PSD3: variants seen among roughly 807,000 people sequenced by gnomAD.
PSD3 encodes pleckstrin and Sec7 domain containing 3, also known as PH and SEC7 domain-containing protein 3.
In PSD3, 49 loss-of-function variants were observed where a neutral mutation model predicts 105.5. The observed-to-expected ratio is 0.46, with a 90% CI of 0.37 to 0.59. The LOEUF (loss-of-function observed/expected upper bound fraction) is 0.59. Among genes scored for constraint, PSD3 ranks in the 20% least tolerant of loss-of-function variants. PSD3 has a pLI of 0.00. For missense variants in PSD3, 1,561 were observed against 1,263.8 expected (o/e 1.24, Z -3.57); for synonymous variants, 557 against 457.8 (o/e 1.22, Z -2.77).
intron 9 of PSD3, among the ~76,000 whole-genome samples, chr8:18,700,258 T>C (rs761003611): frequency 1.6e-4 from 24 of 152,284 alleles, no homozygotes; most frequent in Non-Finnish European, 3.5e-4. Flanking sequence ...CCTAATCACT[T>C]AATTAGATGT....
At chr8:18,949,220 T>G (rs1479810263) in intron 1 of PSD3, among the ~76,000 whole-genome samples, 1 of 5,160 alleles carries the variant, frequency 1.9e-4, no homozygotes, top group Non-Finnish European at 3.3e-4. Flanking sequence ...AGACTCTGTC[T>G]CAAAAAAAAA....
At chr8:18,900,093 G>A (rs1246115341) in intron 2 of PSD3, among the ~76,000 whole-genome samples, 1 of 152,106 alleles carries the variant, frequency 6.6e-6, no homozygotes, top group African/African-American at 2.4e-5. Context: ...CTTGTCTACT[G>A]CTTCTTGGCT....
chr8:18,982,567 A>G (rs1825296430), intron 1 of PSD3, among the ~76,000 whole-genome samples: 1 of 152,190 alleles, frequency 6.6e-6, no homozygotes. Context: ...AGTCAAAATT[A>G]CTCCTTGAGT....
intron 4 of PSD3, among the ~76,000 whole-genome samples, chr8:18,814,147 G>C (rs578054200): frequency 6.6e-6 from 1 of 152,304 alleles, no homozygotes; most frequent in East Asian, 1.9e-4. Context: ...AACCTAATTA[G>C]CAGAATTCCT....
At chr8:19,003,961 G>C (rs534358956) in intron 1 of PSD3, among the ~76,000 whole-genome samples, 1 of 151,942 alleles carries the variant, frequency 6.6e-6, no homozygotes, top group African/African-American at 2.4e-5. Flanking sequence ...CAAACATTCC[G>C]ATCTTAAGAC....
intron 11 of PSD3, among the ~76,000 whole-genome samples, chr8:18,621,557 T>A (rs923287746): frequency 6.6e-6 from 1 of 152,212 alleles, no homozygotes; most frequent in African/African-American, 2.4e-5. Context: ...AATTTTGAAT[T>A]GTGAATGGGG....
intron 4 of PSD3, among the ~76,000 whole-genome samples, chr8:18,844,287 A>C (rs548992374): frequency 1.3e-5 from 2 of 152,312 alleles, no homozygotes; most frequent in South Asian, 4.1e-4. Context: ...GAGAATTCTA[A>C]AGATGGTGAA....
intron 12 of PSD3, among the ~76,000 whole-genome samples, chr8:18,583,375 G>T (rs566808023): frequency 6.6e-6 from 1 of 152,270 alleles, no homozygotes; most frequent in East Asian, 1.9e-4. Flanking sequence ...AGGCTGCAGT[G>T]AGCTGAGACA....
At chr8:18,672,935 T>C (rs748366550) in intron 9 of PSD3, among the ~76,000 whole-genome samples, 2 of 152,146 alleles carry the variant, frequency 1.3e-5, no homozygotes, top group Non-Finnish European at 2.9e-5. Flanking sequence ...CAGTCTCGTA[T>C]GTACCTATAT....
intron 14 of PSD3, among the ~76,000 whole-genome samples, chr8:18,556,799 AT>A (rs550820931): frequency 2.6e-5 from 4 of 152,006 alleles, no homozygotes; most frequent in Admixed American, 1.3e-4. Flanking sequence ...CTATGTGCAT[AT>A]TTTTTTTCCT....
At chr8:18,798,832 T>C (rs1439655240) in intron 8 of PSD3, among the ~76,000 whole-genome samples, 1 of 151,978 alleles carries the variant, frequency 6.6e-6, no homozygotes, top group Non-Finnish European at 1.5e-5. Flanking sequence ...GAGACGGTAA[T>C]TAGTTTGTTT....
At chr8:19,029,403 C>T (rs1402572948) in intron 1 of PSD3, among the ~76,000 whole-genome samples, 1 of 152,218 alleles carries the variant, frequency 6.6e-6, no homozygotes, top group Non-Finnish European at 1.5e-5. Context: ...CTAATAAAGA[C>T]ATACCCGAGA....
chr8:19,002,441 GC>G (rs529593273), intron 1 of PSD3, among the ~76,000 whole-genome samples: 47 of 152,054 alleles, frequency 3.1e-4, no homozygotes, highest in African/African-American at 1.1e-3. Context: ...TAAGGAACAA[GC>G]ATATATCAAC....
intron 11 of PSD3, among the ~76,000 whole-genome samples, chr8:18,602,097 T>C (rs2717736): frequency 0.13 from 20,048 of 152,116 alleles, 1,382 homozygotes; most frequent in South Asian, 0.16. Flanking sequence ...CTGGAGAAAA[T>C]ATTTTTGTTT....
At chr8:18,793,429 G>A (rs1809927777) in intron 8 of PSD3, among the ~76,000 whole-genome samples, 1 of 149,104 alleles carries the variant, frequency 6.7e-6, no homozygotes, top group Non-Finnish European at 1.5e-5. Flanking sequence ...AAACCACGTT[G>A]GCATTTGTTT....
intron 9 of PSD3, among the ~76,000 whole-genome samples, chr8:18,707,102 A>G (rs893488185): frequency 4.6e-5 from 7 of 152,080 alleles, no homozygotes; most frequent in Non-Finnish European, 1.0e-4. Context: ...CTGCCACTCC[A>G]CACATGTATA....
At chr8:18,568,245 T>G (rs545340338) in intron 14 of PSD3, among the ~76,000 whole-genome samples, 2 of 152,176 alleles carry the variant, frequency 1.3e-5, no homozygotes, top group Non-Finnish European at 2.9e-5. Context: ...TCCCAGCCAC[T>G]AAATATCACA....
At chr8:18,572,474 C>T in intron 14 of PSD3, 54 bp downstream of exon 14, 3 of 1,576,174 alleles carry the variant, frequency 1.9e-6, no homozygotes, top group African/African-American at 1.4e-5. Context: ...ATATTTATCA[C>T]ATTATTTTAC....
At chr8:18,936,244 A>C in intron 1 of PSD3, 102 bp from the exon 2 acceptor site, 1 of 764,700 alleles carries the variant, frequency 1.3e-6, no homozygotes, top group Non-Finnish European at 2.2e-6. Context: ...TAATTATGAC[A>C]TATGTACTCA....
Sources: allele counts gnomAD v4.1 joint callset (sites outside exome capture counted in the v4.1 genomes callset), GRCh38; gene constraint gnomAD v4.1.1; transcripts MANE v1.5; gene names NCBI Gene and HGNC (gene_info 2026-07-23, HGNC 2026-07-21).